The following PROX1 variants were observed in gnomAD, a reference collection of about 807,000 sequenced individuals.
PROX1 encodes prospero homeobox protein 1.
Under a neutral mutation model 58.8 loss-of-function variants are expected in PROX1, and 7 were observed. The observed-to-expected ratio is 0.12, with a 90% confidence interval of 0.07 to 0.22. The LOEUF is 0.22. PROX1 is among the 10% of genes least tolerant of loss of function. The pLI, the probability that PROX1 is intolerant of heterozygous loss-of-function variation, is 1.00. For synonymous variants in PROX1, 350 were observed against 358.3 expected, an observed-to-expected ratio of 0.98 and a Z score of 0.26; for missense variants, 675 against 927.8, an observed-to-expected ratio of 0.73 and a Z score of 3.54.
chr1:214,014,131 G>C (rs1490091440), intron 4 of PROX1, among the ~76,000 whole-genome samples: 1 of 152,206 alleles, frequency 6.6e-6, no homozygotes, highest in African/African-American at 2.4e-5. Context: ...CACTGCTTAA[G>C]TGAGATGCTT....
At position 214,036,587 on chromosome 1, in the gene PROX1, G is replaced by C. The variant is rs1398857587; in HGVS notation, c.*753G>C. 6.6e-6 allele frequency: 1 copy of C among 152,066 alleles called. No individual in the cohort carries two copies. The highest frequency in any genetic ancestry group is 1.5e-5 in the Non-Finnish European group (1 of 68,006). 9.4% of individuals were successfully genotyped at this position (152,066 alleles called of 1,614,324 possible). Reference sequence around the variant, plus strand: ...AGCCACCTCTCTAAACTTGAAAATAGGTTCTTCTTCATAAGTGAGCTTACA... The same window carrying C: ...AGCCACCTCTCTAAACTTGAAAATACGTTCTTCTTCATAAGTGAGCTTACA... On this transcript the variant is annotated 3_prime_UTR_variant, in exon 5 of 5. Coordinates refer to ENST00000366958, the MANE Select transcript of PROX1 (RefSeq NM_001270616.2).
At chr1:214,013,821 G>A (rs1041775333) in intron 4 of PROX1, among the ~76,000 whole-genome samples, 2 of 152,072 alleles carry the variant, frequency 1.3e-5, no homozygotes, top group African/African-American at 2.4e-5. Context: ...TCACTGCAAG[G>A]AGTATGGGGC....
intron 4 of PROX1, among the ~76,000 whole-genome samples, chr1:214,018,999 C>T (rs1368661270): frequency 3.3e-5 from 5 of 152,112 alleles, no homozygotes; most frequent in African/African-American, 7.2e-5. Context: ...GCTCTTCTTC[C>T]GGGCTCTGAG....
chr1:214,003,976 T>TGTGTG (rs11399035), intron 2 of PROX1, among the ~76,000 whole-genome samples: 26,639 of 151,982 alleles, frequency 0.18, 2,337 homozygotes, highest in Non-Finnish European at 0.2. Context: ...GTGAGTGTGT[T>TGTGTG]TGTGTGTGTG....
Position 213,997,747 on chromosome 1 carries a change from C to T in PROX1, c.1212C>T (p.Thr404=), listed in dbSNP as rs760500990. The T allele has an allele frequency of 6.2e-7, 1 of 1,614,138 alleles. No individual in the cohort carries two copies. Among genetic ancestry groups the T allele is most frequent in the Non-Finnish European group, 8.5e-7 (1 of 1,180,012 alleles). Residue 404 remains threonine (T), a synonymous_variant, in exon 2 of 5, where the codon ACC becomes ACT. Transcript: ENST00000366958. This position sits in a 1 kb window ranked among gnomAD's most constrained non-coding sequence, Gnocchi z 7.1. ...AVNGENHNFH[T]ANQRLQCFGD... is the part of the protein sequence containing the mutation. The stretch of plus-strand genomic sequence containing the variant: ...ATGGGGAAAACCACAATTTCCACAC[C>T]GCCAACCAGCGCCTGCAGTGCTTTG...
At chr1:214,002,994 A>G (rs1028452784) in intron 2 of PROX1, among the ~76,000 whole-genome samples, 6 of 152,226 alleles carry the variant, frequency 3.9e-5, no homozygotes, top group African/African-American at 1.4e-4. Context: ...AGTATTACCA[A>G]CAGGAAACAT....
chr1:214,014,599 G>A (rs983996082), intron 4 of PROX1, among the ~76,000 whole-genome samples: 1 of 152,178 alleles, frequency 6.6e-6, no homozygotes, highest in Non-Finnish European at 1.5e-5. Context: ...CCAAAATAGG[G>A]CTTATTTAAT....
intron 2 of PROX1, among the ~76,000 whole-genome samples, chr1:214,003,495 G>A (rs866222483): frequency 6.6e-6 from 1 of 152,160 alleles, no homozygotes; most frequent in African/African-American, 2.4e-5. Flanking sequence ...CCCTCTCCTT[G>A]GCACAAGAAG....
At chr1:213,994,064 G>T (rs1488396919) in intron 1 of PROX1, among the ~76,000 whole-genome samples, 2 of 152,154 alleles carry the variant, frequency 1.3e-5, no homozygotes, top group African/African-American at 4.8e-5. Context: ...TGATACCTAG[G>T]CTAGATGAGA....
chr1:213,987,547 T>C (rs1296610536), upstream of PROX1: 2 of 117,884 alleles, frequency 1.7e-5, no homozygotes, highest in Non-Finnish European at 3.6e-5. Context: ...ATCTGGGAAA[T>C]GAAAAAAGAA....
At position 213,996,618 on chromosome 1, in the gene PROX1, G is replaced by A. The variant is rs1418105798; in HGVS notation, c.83G>A (p.Gly28Glu). Residue 28 changes from glycine to glutamate, a missense_variant, in exon 2 of 5, where the codon GGG (glycine) becomes GAG (glutamate). By Grantham distance (98) the Gly-to-Glu change is moderately conservative. Transcript: ENST00000366958. Reference protein sequence around the residue: ...RVDIGVKRTVGTASAFFAKAR... With the variant: ...RVDIGVKRTVETASAFFAKAR... ...GACATTGGAGTGAAAAGGACGGTAG[G>A]GACAGCATCTGCATTTTTTGCTAAG... The A allele has an allele frequency of 3.7e-6, 6 of 1,614,004 alleles. No individual in the cohort carries two copies. The highest frequency in any genetic ancestry group is 5.1e-6 in the Non-Finnish European group (6 of 1,180,046).
chr1:214,029,663 C>A (rs893607434), intron 4 of PROX1: 1 of 152,106 alleles, frequency 6.6e-6, no homozygotes, highest in Non-Finnish European at 1.5e-5. Flanking sequence ...ATGAATTCCA[C>A]GGTGTGAAAA....
chr1:214,007,356 T>G (rs1223964241), intron 3 of PROX1, among the ~76,000 whole-genome samples: 1 of 152,240 alleles, frequency 6.6e-6, no homozygotes, highest in Non-Finnish European at 1.5e-5. Flanking sequence ...AATTATCCAC[T>G]GTAATGGAGG....
Position 213,998,055 on chromosome 1 carries a change from A to G in PROX1, c.1520A>G (p.Lys507Arg). 6.2e-7 allele frequency: 1 copy of G among 1,612,676 alleles called. No individual in the cohort carries two copies. The highest frequency in any genetic ancestry group is 8.5e-7 in the Non-Finnish European group (1 of 1,179,202). The stretch of plus-strand genomic sequence containing the variant: ...GCTCCCTCCGGCTCCTTCTCTGGAA[A>G]AGACAGAGCCTCTCCTGAATCCTTA... Reference protein sequence around the residue: ...LGAPSGSFSGKDRASPESLDL... With the variant: ...LGAPSGSFSGRDRASPESLDL... Residue 507 changes from lysine (K) to arginine (R), a missense_variant, in exon 2 of 5, where the codon AAA becomes AGA. By Grantham distance (26) the Lys-to-Arg change is conservative. Coordinates refer to ENST00000366958, the MANE Select transcript of PROX1 (RefSeq NM_001270616.2).
In PROX1 at chr1:214,019,508, T is replaced by C. The variant is rs942935248; in HGVS notation, c.2028+7793T>C. Among the ~76,000 whole-genome samples, 3 of 152,212 alleles carry C rather than the reference T, an allele frequency of 2.0e-5. No individual in the cohort carries two copies. In the East Asian group the frequency reaches 5.8e-4, roughly 29 times the overall value. On this transcript the variant is annotated intron_variant, in intron 4 of 4. Transcript: ENST00000366958. ...TTGGATAGAAAACACCCACCAAAGATGGGTGCAAACCTCACCTTCGGATTT... is the reference window on the plus strand; with the variant it reads ...TTGGATAGAAAACACCCACCAAAGACGGGTGCAAACCTCACCTTCGGATTT...
intron 4 of PROX1, among the ~76,000 whole-genome samples, chr1:214,013,570 G>A (rs1370455165): frequency 2.5e-4 from 1 of 3,982 alleles, no homozygotes; most frequent in Admixed American, 0.01. Context: ...TGCGCACGAG[G>A]GTTTTCGGGT....
At chr1:214,034,365 T>A in intron 4 of PROX1, among the ~76,000 whole-genome samples, 1 of 152,240 alleles carries the variant, frequency 6.6e-6, no homozygotes, top group South Asian at 2.1e-4. Flanking sequence ...ATGTCTTTCA[T>A]CTCTTGTATA....
chr1:214,019,544 C>T (rs1664208853), intron 4 of PROX1, among the ~76,000 whole-genome samples: 1 of 152,162 alleles, frequency 6.6e-6, no homozygotes, highest in Non-Finnish European at 1.5e-5. Context: ...AAGATCTAGG[C>T]AGAGATCGTT....
intron 2 of PROX1, among the ~76,000 whole-genome samples, 180 bp from the exon 3 acceptor site, chr1:214,004,985 C>T (rs138432904): frequency 3.5e-4 from 53 of 152,324 alleles, no homozygotes; most frequent in African/African-American, 1.1e-3. Context: ...TGACAGGCGA[C>T]GGTCACTGAG....
Sources: allele counts gnomAD v4.1 joint callset (sites outside exome capture counted in the v4.1 genomes callset), GRCh38; gene constraint gnomAD v4.1.1; non-coding constraint Gnocchi (gnomAD v3.1); transcripts MANE v1.5; gene names NCBI Gene and HGNC (gene_info 2026-07-23, HGNC 2026-07-21).